MTMR3: variants seen among roughly 807,000 people sequenced by gnomAD.
The protein encoded by MTMR3 is phosphatidylinositol-3,5-bisphosphate 3-phosphatase MTMR3.
A neutral mutation model predicts 132.4 loss-of-function variants in MTMR3; 32 were observed. The observed-to-expected ratio is 0.24, with a 90% CI of 0.18 to 0.32. The LOEUF (loss-of-function observed/expected upper bound fraction) is 0.32. Ranked by LOEUF, MTMR3 falls within the 10% of genes least tolerant of loss-of-function variation. The probability of loss-of-function intolerance (pLI) is 1.00; values close to 1 mark genes in which losing one functional copy is unlikely to be tolerated. For missense variants in MTMR3, 1,216 were observed against 1,489.6 expected (o/e 0.82, Z 3.02); for synonymous variants, 556 against 550.3 (o/e 1.01, Z -0.14).
intron 11 of MTMR3, 118 bp from the exon 12 acceptor site, chr22:30,008,900 C>T: frequency 4.5e-6 from 3 of 666,378 alleles, no homozygotes; most frequent in Non-Finnish European, 8.1e-6. Context: ...CAAAACATTT[C>T]AGTTTCGTTA....
At chr22:29,942,818 A>G (rs1467713846) in intron 1 of MTMR3, among the ~76,000 whole-genome samples, 1 of 152,190 alleles carries the variant, frequency 6.6e-6, no homozygotes, top group Non-Finnish European at 1.5e-5. Context: ...TCTTTTTTCA[A>G]GGTGCCCAGA....
rs57853762 is a variant in MTMR3, at chr22:29,967,917, C to CTGTGTGTG, written c.-84-3037_-84-3030dup. ...TTGCTGGATAACTCCATTATATATA[C>CTGTGTGTG]TGTGTGTGTGTGTGTGTGTGTGTGT... On this transcript the variant is annotated intron_variant, in intron 2 of 19. Coordinates refer to ENST00000401950, the MANE Select transcript of MTMR3 (RefSeq NM_021090.4). 4.5e-3 allele frequency among the ~76,000 whole-genome samples: 662 copies of CTGTGTGTG among 148,446 alleles called. 18 individuals carry two copies. In the South Asian group the frequency reaches 0.068, roughly 15 times the overall value.
At chr22:29,967,613 TATAGTC>T (rs2066454173) in intron 2 of MTMR3, among the ~76,000 whole-genome samples, 1 of 152,018 alleles carries the variant, frequency 6.6e-6, no homozygotes, top group Non-Finnish European at 1.5e-5. Context: ...TGGTTTTTAG[TATAGTC>T]ATAAAGCTGT....
intron 1 of MTMR3, among the ~76,000 whole-genome samples, chr22:29,940,883 C>A (rs932023570): frequency 1.1e-4 from 16 of 149,872 alleles, no homozygotes; most frequent in Admixed American, 2.6e-4. Flanking sequence ...TAAGAGAGAC[C>A]AGGAGTTCAT....
chr22:29,999,044 A>G (rs1447680405), intron 8 of MTMR3, 187 bp downstream of exon 8: 10 of 419,064 alleles, frequency 2.4e-5, no homozygotes, highest in Non-Finnish European at 4.2e-5. Context: ...TGGAGTGGAA[A>G]GTGATCCTTA....
At chr22:29,932,792 A>G (rs777563067) in intron 1 of MTMR3, among the ~76,000 whole-genome samples, 7 of 152,198 alleles carry the variant, frequency 4.6e-5, no homozygotes, top group Admixed American at 2.0e-4. Context: ...AATAATAGTT[A>G]TAGAAATAAT....
At chr22:29,956,615 GAAGCCAATTATGTGTACA>G (rs1291264056) in intron 1 of MTMR3, among the ~76,000 whole-genome samples, 2 of 152,152 alleles carry the variant, frequency 1.3e-5, no homozygotes, top group African/African-American at 4.8e-5. Context: ...TCCCTTGATA[GAAGCCAATTATGTGTACA>G]AAACACCTTA....
Position 30,016,279 on chromosome 22 carries a change from A to G in MTMR3, c.1504-249A>G, listed in dbSNP as rs116264235. 1,457 of 434,656 alleles carry G rather than the reference A, an allele frequency of 3.4e-3. 10 individuals carry two copies. The highest frequency in any genetic ancestry group is 0.026 in the African/African-American group (1,298 of 50,634). 26.9% of individuals were successfully genotyped at this position (434,656 alleles called of 1,614,324 possible). A position where few individuals can be genotyped will look rare whatever the true frequency, so the allele number is the denominator to read the frequency against. On this transcript the variant is annotated intron_variant, in intron 14 of 19. Transcript: ENST00000401950. ...TTGTGAGAGTGGCTGTTAATTCACA[A>G]TCTCAGACTATTTATCACGGAAGCT...
chr22:30,007,652 A>T (rs558497508), intron 10 of MTMR3: 1 of 569,390 alleles, frequency 1.8e-6, no homozygotes, highest in African/African-American at 1.9e-5. Flanking sequence ...GAAATGAAGT[A>T]TAAGAGACTG....
At chr22:30,022,447 C>CT in intron 18 of MTMR3, 162 bp from the exon 19 acceptor site, 2 of 658,340 alleles carry the variant, frequency 3.0e-6, no homozygotes, top group Non-Finnish European at 5.4e-6. Flanking sequence ...TCCAGGGAAA[C>CT]GATTTGGACG....
At chr22:29,927,070 A>C (rs1355526949) in intron 1 of MTMR3, among the ~76,000 whole-genome samples, 2 of 152,194 alleles carry the variant, frequency 1.3e-5, no homozygotes, top group Non-Finnish European at 2.9e-5. Context: ...CAGTTGTCCC[A>C]CCACCGTTTG....
chr22:30,026,740 G>A lies in MTMR3; in HGVS notation c.*939G>A, dbSNP rs2067918480. The A allele has an allele frequency of 1.3e-5, 2 of 152,916 alleles. No homozygotes were observed. The highest frequency in any genetic ancestry group is 4.8e-5 in the African/African-American group (2 of 41,452). The allele number at this position is 152,916 out of a possible 1,614,324, so 9.5% of individuals were successfully genotyped here. A position where few individuals can be genotyped will look rare whatever the true frequency, so the allele number is the denominator to read the frequency against. On this transcript the variant is annotated 3_prime_UTR_variant, in exon 20 of 20. Transcript: ENST00000401950. ...TCCTCAGCCAGCACAGGGAAATCCA[G>A]ACTCAGGGTTCCAGAAATCCCCCGT...
rs138587178 is a variant in MTMR3 at position 29,988,930 on chromosome 22, A to C, written c.293+368A>C. The C allele has an allele frequency of 4.4e-3, 684 of 154,224 alleles. 6 individuals carry two copies. The highest frequency in any genetic ancestry group is 0.016 in the African/African-American group (646 of 41,608). 9.6% of individuals were successfully genotyped at this position (154,224 alleles called of 1,614,324 possible). On this transcript the variant is annotated intron_variant, in intron 6 of 19. Coordinates refer to ENST00000401950, the MANE Select transcript of MTMR3 (RefSeq NM_021090.4). Reference sequence around the variant, plus strand: ...TTCTTTTCCTGAACAGATTGAGAGTAAGTTACGTAATCATGGCTCTTAACC... The same window carrying C: ...TTCTTTTCCTGAACAGATTGAGAGTCAGTTACGTAATCATGGCTCTTAACC...
chr22:29,913,404 C>T (rs1334020117), intron 1 of MTMR3, among the ~76,000 whole-genome samples: 1 of 152,138 alleles, frequency 6.6e-6, no homozygotes, highest in African/African-American at 2.4e-5. Context: ...TTCTCAGAGC[C>T]TTCTGTAACT....
chr22:30,017,620 A>G (rs1035574984), intron 15 of MTMR3: 29 of 290,146 alleles, frequency 1.0e-4, no homozygotes, highest in African/African-American at 6.5e-4. Context: ...GCAACAAATC[A>G]AGCTGATGAA....
chr22:29,906,587 C>T (rs186562990), intron 1 of MTMR3, among the ~76,000 whole-genome samples: 3 of 152,070 alleles, frequency 2.0e-5, no homozygotes, highest in East Asian at 1.9e-4. Flanking sequence ...CCATCTCCCT[C>T]GGCCTCCCGA....
At chr22:29,999,069 A>G (rs2145921733) in intron 8 of MTMR3, 1 of 356,076 alleles carries the variant, frequency 2.8e-6, no homozygotes, top group Non-Finnish European at 5.1e-6. Context: ...ACAGGATCCT[A>G]GAACCTTCCC....
At chr22:29,969,218 CGAG>C (rs1370471671) in intron 2 of MTMR3, among the ~76,000 whole-genome samples, 1 of 152,156 alleles carries the variant, frequency 6.6e-6, no homozygotes, top group African/African-American at 2.4e-5. Context: ...CTGCATGGCA[CGAG>C]AAGAATAGAT....
At chr22:29,976,380 C>T (rs2066630670) in intron 3 of MTMR3, among the ~76,000 whole-genome samples, 2 of 151,638 alleles carry the variant, frequency 1.3e-5, no homozygotes, top group Non-Finnish European at 2.9e-5. Context: ...AGTTGTTCTT[C>T]CAATTAAGAA....
Sources: allele counts gnomAD v4.1 joint callset (sites outside exome capture counted in the v4.1 genomes callset), GRCh38; gene constraint gnomAD v4.1.1; transcripts MANE v1.5; gene names NCBI Gene and HGNC (gene_info 2026-07-23, HGNC 2026-07-21).